The following SLC2A7 variants were observed in gnomAD, a reference collection of about 807,000 sequenced individuals.
The protein encoded by SLC2A7 is solute carrier family 2 member 7.
A neutral mutation model predicts 50.5 loss-of-function variants in SLC2A7; 50 were observed. That is an observed-to-expected ratio of 0.99 (90% CI 0.79 to 1.25). The LOEUF is 1.25. Ranked by LOEUF, SLC2A7 falls within the 50% of genes most tolerant of loss-of-function variation. The probability of loss-of-function intolerance (pLI) is 0.00; values close to 1 mark genes in which losing one functional copy is unlikely to be tolerated. For missense variants in SLC2A7, 683 were observed against 679.1 expected (o/e 1.01, Z -0.06); for synonymous variants, 308 against 300.4 (o/e 1.03, Z -0.26).
chr1:9,009,712 C>T (rs1474290024), intron 9 of SLC2A7, among the ~76,000 whole-genome samples: 2 of 152,228 alleles, frequency 1.3e-5, no homozygotes, highest in Non-Finnish European at 2.9e-5. Flanking sequence ...CCTGCCTTGG[C>T]CTCCCAAAGT....
At chr1:9,009,393 T>G (rs1262976095) in intron 9 of SLC2A7, among the ~76,000 whole-genome samples, 1 of 152,208 alleles carries the variant, frequency 6.6e-6, no homozygotes, top group Non-Finnish European at 1.5e-5. Context: ...CAAATTAAAA[T>G]GATGTACTTC....
At chr1:9,002,957 C>T (rs776005243), downstream of SLC2A7, among the ~76,000 whole-genome samples, 1 of 152,132 alleles carries the variant, frequency 6.6e-6, no homozygotes, top group Non-Finnish European at 1.5e-5. Context: ...GACGGCAGCT[C>T]GGGTATCCAT....
At chr1:9,023,791 G>C (rs1640950634) in intron 2 of SLC2A7, among the ~76,000 whole-genome samples, 1 of 139,814 alleles carries the variant, frequency 7.2e-6, no homozygotes, top group Non-Finnish European at 1.5e-5. Context: ...ACTTTTGAGA[G>C]ACTTACGACT....
chr1:9,001,419 ATTT>A (rs767748961), downstream of SLC2A7, among the ~76,000 whole-genome samples: 23 of 124,286 alleles, frequency 1.9e-4, no homozygotes, highest in Middle Eastern at 4.2e-3. Flanking sequence ...TGCAGGTGCT[ATTT>A]TTTTTTTTTT....
chr1:8,999,693 A>G (rs1347447435), downstream of SLC2A7, among the ~76,000 whole-genome samples: 3 of 152,222 alleles, frequency 2.0e-5, no homozygotes, highest in African/African-American at 7.2e-5. Context: ...ACAGAACTCC[A>G]GCAGGGTGTG....
intron 3 of SLC2A7, among the ~76,000 whole-genome samples, chr1:9,021,845 A>G (rs974795066): frequency 1.3e-5 from 2 of 152,160 alleles, no homozygotes; most frequent in Non-Finnish European, 2.9e-5. Flanking sequence ...TCCTGGACTC[A>G]GGCTCTTCAT....
chr1:8,995,910 G>A, the SLC2A7 span, among the ~76,000 whole-genome samples: 3 of 152,044 alleles, frequency 2.0e-5, no homozygotes, highest in African/African-American at 7.2e-5. Context: ...TGGGACTACA[G>A]GCACGTGCTA....
chr1:9,013,371 G>A (rs190903518), intron 8 of SLC2A7, among the ~76,000 whole-genome samples, 154 bp downstream of exon 8: 1 of 152,294 alleles, frequency 6.6e-6, no homozygotes. Context: ...AAGTCATGCA[G>A]GTAGTTAGTA....
chr1:9,017,096 G>A (rs1274289863), intron 5 of SLC2A7, among the ~76,000 whole-genome samples: 2 of 152,262 alleles, frequency 1.3e-5, no homozygotes, highest in South Asian at 2.1e-4. Context: ...CCATACGGGT[G>A]GATCACCTGA....
chr1:9,015,103 C>T lies in SLC2A7; in HGVS notation c.715+14G>A, dbSNP rs368537348. The T allele has an allele frequency of 1.4e-5, 23 of 1,612,310 alleles. No homozygotes were observed. The highest frequency in any genetic ancestry group is 4.4e-5 in the South Asian group (4 of 90,694). On this transcript the variant is annotated intron_variant, in intron 6 of 11. Transcript: ENST00000400906. ...GGTGGGCAGGGCCTGGGAGAGTAGC[C>T]GGCGACTTCATACCTTGTCGCGCTG...
downstream of SLC2A7, among the ~76,000 whole-genome samples, chr1:9,002,893 C>T (rs17389948): frequency 0.21 from 31,944 of 152,188 alleles, 3,810 homozygotes; most frequent in Non-Finnish European, 0.27. Context: ...AAGGAAGCCA[C>T]GTCGCCAGGA....
chr1:9,023,617 A>G (rs572812622), intron 2 of SLC2A7, among the ~76,000 whole-genome samples: 1 of 151,542 alleles, frequency 6.6e-6, no homozygotes, highest in Admixed American at 6.6e-5. Flanking sequence ...AAAAAAAAAA[A>G]ATTTACTTTT....
Position 9,007,122 on chromosome 1 carries a change from G to A in SLC2A7, c.1192+188C>T, listed in dbSNP as rs1029565421. On this transcript the variant is annotated intron_variant, in intron 10 of 11. Transcript: ENST00000400906. Reference sequence around the variant, plus strand: ...TCAGTGGGGCGCTGGCCTGGCTGGCGCTGGTTGAATGAATGCACATGGCCT... The same window carrying A: ...TCAGTGGGGCGCTGGCCTGGCTGGCACTGGTTGAATGAATGCACATGGCCT... Among the ~76,000 whole-genome samples, 5 of 152,336 alleles carry A rather than the reference G, an allele frequency of 3.3e-5. No homozygotes were observed. In the East Asian group the frequency reaches 5.8e-4, roughly 18 times the overall value.
chr1:9,024,905 T>C (rs1640971714), intron 2 of SLC2A7, 71 bp downstream of exon 2: 2 of 1,544,162 alleles, frequency 1.3e-6, no homozygotes, highest in Admixed American at 1.7e-5. Flanking sequence ...CGGAGGAAGA[T>C]GGCGGCTACC....
At chr1:9,009,562 T>A (rs942656542) in intron 9 of SLC2A7, among the ~76,000 whole-genome samples, 1 of 152,206 alleles carries the variant, frequency 6.6e-6, no homozygotes, top group African/African-American at 2.4e-5. Flanking sequence ...GCTCAGGTGA[T>A]CCTCCCACCT....
At chr1:9,010,404 G>A (rs1331467331) in intron 8 of SLC2A7, among the ~76,000 whole-genome samples, 160 bp from the exon 9 acceptor site, 1 of 151,966 alleles carries the variant, frequency 6.6e-6, no homozygotes, top group Non-Finnish European at 1.5e-5. Context: ...TGCTGCCCAG[G>A]CTGGAGTGCA....
intron 3 of SLC2A7, 46 bp from the exon 4 acceptor site, chr1:9,019,379 G>A (rs760683627): frequency 1.7e-5 from 28 of 1,606,264 alleles, no homozygotes; most frequent in Non-Finnish European, 1.9e-5. Context: ...TGGAGGCCGC[G>A]GAAGCCCTCC....
intron 8 of SLC2A7, among the ~76,000 whole-genome samples, chr1:9,012,526 C>T (rs1333936678): frequency 6.6e-6 from 1 of 152,210 alleles, no homozygotes; most frequent in Non-Finnish European, 1.5e-5. Context: ...TCCTTAACTT[C>T]TCCCTCCCTG....
chr1:8,995,076 T>G, the SLC2A7 span, among the ~76,000 whole-genome samples: 1 of 138,850 alleles, frequency 7.2e-6, no homozygotes, highest in Non-Finnish European at 1.5e-5. Context: ...TGGCCAGATC[T>G]CCTGATTATT....
Sources: gnomAD v4.1 joint callset for allele counts (sites outside exome capture counted in the v4.1 genomes callset) on GRCh38, gnomAD v4.1.1 for gene constraint, MANE v1.5 for transcripts, NCBI Gene and HGNC (gene_info 2026-07-23, HGNC 2026-07-21) for gene names.